DENND2D: variants seen among roughly 807,000 people sequenced by gnomAD.
DENND2D encodes DENN domain containing 2D.
DENND2D carries 37 observed loss-of-function variants against 59.8 expected under a neutral mutation model. The observed-to-expected ratio is 0.62, with a 90% confidence interval of 0.48 to 0.81. DENND2D has a LOEUF of 0.81. DENND2D is among the 40% of genes least tolerant of loss of function. DENND2D has a pLI of 0.00. For missense variants in DENND2D, 525 were observed against 579.7 expected (o/e 0.91, Z 0.97); for synonymous variants, 219 against 211.3 (o/e 1.04, Z -0.31).
chr1:111,203,885 C>T (rs1210930255), upstream of DENND2D, among the ~76,000 whole-genome samples: 4 of 152,118 alleles, frequency 2.6e-5, no homozygotes, highest in African/African-American at 9.7e-5. Flanking sequence ...CCACGGAGGA[C>T]TCCCAGGGCG....
chr1:111,195,705 G>C, intron 6 of DENND2D: 2 of 596,912 alleles, frequency 3.4e-6, no homozygotes, highest in East Asian at 3.1e-5. Flanking sequence ...TTGGTGGCTT[G>C]AGCAGTAACT....
In DENND2D at chr1:111,198,652, C is replaced by T. The variant is rs375867823; in HGVS notation, c.334G>A (p.Ala112Thr). Residue 112 changes from alanine to threonine, a missense_variant, in exon 3 of 12, where the codon GCA (alanine) becomes ACA (threonine). By Grantham distance (58) the Ala-to-Thr change is moderately conservative. This residue lies in a region of DENND2D where 253 missense variants were observed against 246.4 expected (regional missense o/e 1.03). Coordinates refer to ENST00000357640, the MANE Select transcript of DENND2D (RefSeq NM_024901.5). ...TACCTGGGATACTCGGTGAGTGATG[C>T]CCACTCATTCCCATCTGGGAAGCAG... ...LFCFPDGNEWASLTEYPRETF... is the reference protein window; with the variant it reads ...LFCFPDGNEWTSLTEYPRETF... 39 of 1,613,892 alleles carry T rather than the reference C, an allele frequency of 2.4e-5. No homozygotes were observed. The highest frequency in any genetic ancestry group is 3.3e-5 in the Non-Finnish European group (39 of 1,179,922).
intron 3 of DENND2D, 152 bp downstream of exon 3, chr1:111,198,478 G>T: frequency 2.9e-6 from 2 of 697,980 alleles, no homozygotes; most frequent in Non-Finnish European, 4.8e-6. Flanking sequence ...GGCCTTGAGG[G>T]ACCCCAGGCC....
In DENND2D at chr1:111,192,237, G is replaced by A; in HGVS notation, c.875C>T (p.Pro292Leu). 1 of 1,614,028 alleles carries A rather than the reference G, an allele frequency of 6.2e-7. No individual in the cohort carries two copies. The highest frequency in any genetic ancestry group is 1.1e-5 in the South Asian group (1 of 91,048). Residue 292 changes from proline to leucine, a missense_variant, in exon 8 of 12, where the codon CCT becomes CTT. Transcript: ENST00000357640. ...SWAHTYIPVV[P>L]ESLLATVCCP... ...GCAGACGGTGGCCAGAAGGCTCTCA[G>A]GGACAACAGGGATGTAGGTGTGCGC... is the stretch of plus-strand genomic sequence containing the variant.
chr1:111,195,710 G>A (rs918303466), intron 6 of DENND2D: 1 of 622,394 alleles, frequency 1.6e-6, no homozygotes, highest in Non-Finnish European at 2.8e-6. Context: ...GGCTTGAGCA[G>A]TAACTAGGTG....
chr1:111,200,733 C>G, upstream of DENND2D: 1 of 1,250,854 alleles, frequency 8.0e-7, no homozygotes, highest in Non-Finnish European at 1.0e-6. Context: ...CTCCCAAGAG[C>G]CCCAGGGTGT....
chr1:111,189,548 A>G (rs1403896229), intron 8 of DENND2D, among the ~76,000 whole-genome samples: 1 of 152,208 alleles, frequency 6.6e-6, no homozygotes, highest in Non-Finnish European at 1.5e-5. Context: ...TCCCTTAATA[A>G]AACATTGACT....
Position 111,187,558 on chromosome 1 carries a change from G to T in DENND2D, c.*47C>A. ...TCCTGCCACACTGGCAGGGGCTGAA[G>T]TCCAGAAATGGTGTGTAGCTCTAGT... On this transcript the variant is annotated 3_prime_UTR_variant, in exon 12 of 12. Transcript: ENST00000357640. The T allele has an allele frequency of 1.3e-6, 2 of 1,541,812 alleles. No homozygotes were observed. The highest frequency in any genetic ancestry group is 2.2e-5 in the East Asian group (1 of 44,564).
rs1658705958 is a variant in DENND2D at position 111,200,560 on chromosome 1, C to T, written c.-101G>A. ...GGGCTGCTTCGGTCTCCAGCCACAA[C>T]TCTGTGAAGCCAAGCCACGCGCTGT... On this transcript the variant is annotated 5_prime_UTR_variant, in exon 1 of 12. Transcript: ENST00000357640. 6.6e-7 allele frequency: 1 copy of T among 1,523,944 alleles called. No homozygotes were observed. Among genetic ancestry groups the T allele is most frequent in the Non-Finnish European group, 8.8e-7 (1 of 1,130,612 alleles). The allele number at this position is 1,523,944 out of a possible 1,614,324, so 94.4% of individuals were successfully genotyped here.
intron 8 of DENND2D, among the ~76,000 whole-genome samples, chr1:111,190,035 G>A (rs1250613628): frequency 6.6e-6 from 1 of 151,892 alleles, no homozygotes; most frequent in Non-Finnish European, 1.5e-5. Context: ...GTGGTGGCGG[G>A]CGCCTGTAGT....
chr1:111,197,715 A>T (rs928473075), intron 4 of DENND2D: 21 of 1,421,398 alleles, frequency 1.5e-5, no homozygotes, highest in Non-Finnish European at 1.9e-5. Context: ...CCAGAGCCTG[A>T]CCAGCAGCGG....
rs766267040 is a variant in DENND2D at position 111,200,402 on chromosome 1, G to A, written c.58C>T (p.Leu20Phe). The change falls in exon 1 of 12, where the codon CTC (leucine) becomes TTC (phenylalanine). Residue 20 changes from leucine to phenylalanine, a missense_variant. By Grantham distance (22) the Leu-to-Phe change is conservative (BLOSUM62 0). This residue lies in a region of DENND2D where 253 missense variants were observed against 246.4 expected (regional missense o/e 1.03). Transcript: ENST00000357640. Reference protein sequence around the residue: ...FRLFQRRLLQLRAGPPQDNSG... With the variant: ...FRLFQRRLLQFRAGPPQDNSG... ...GCAGTCCAGTCCTGACCTGCTCGGA[G>A]TTGAAGCAGTCGGCGTTGGAAGAGC... The A allele has an allele frequency of 5.0e-6, 8 of 1,612,384 alleles. No homozygotes were observed. Among genetic ancestry groups the A allele is most frequent in the Non-Finnish European group, 6.8e-6 (8 of 1,179,120 alleles).
In DENND2D at chr1:111,199,710, G is replaced by C; in HGVS notation, c.156C>G (p.His52Gln). The C allele has an allele frequency of 6.2e-7, 1 of 1,614,176 alleles. No homozygotes were observed. The highest frequency in any genetic ancestry group is 8.5e-7 in the Non-Finnish European group (1 of 1,180,042). ...HSLPNFAGGQ[H>Q]FFEYLLVVSL... The stretch of plus-strand genomic sequence containing the variant: ...AAACCACAAGAAGGTATTCAAAGAA[G>C]TGCTGCCCCCCAGCAAAGTTGGGCA... Residue 52 changes from histidine (H) to glutamine (Q), a missense_variant, in exon 2 of 12, where the codon CAC becomes CAG. Coordinates refer to ENST00000357640, the MANE Select transcript of DENND2D (RefSeq NM_024901.5).
chr1:111,204,310 T>C (rs1455460119), upstream of DENND2D: 4 of 1,482,432 alleles, frequency 2.7e-6, no homozygotes, highest in Admixed American at 9.1e-5. Context: ...ATGGCCGCGC[T>C]TCAGTCTCAG....
At chr1:111,189,338 C>T (rs1657516996) in intron 8 of DENND2D, 85 bp from the exon 9 acceptor site, 1 of 1,461,992 alleles carries the variant, frequency 6.8e-7, no homozygotes, top group African/African-American at 1.4e-5. Flanking sequence ...CTGCCTGTGG[C>T]TGTATCTTTC....
chr1:111,195,819 G>A (rs1658173738), intron 6 of DENND2D, 97 bp downstream of exon 6: 1 of 1,562,468 alleles, frequency 6.4e-7, no homozygotes, highest in Non-Finnish European at 8.8e-7. Context: ...CAGTTTCTCT[G>A]TACTTTAACC....
intron 5 of DENND2D, 187 bp from the exon 6 acceptor site, chr1:111,196,243 A>T: frequency 3.3e-6 from 2 of 605,550 alleles, no homozygotes; most frequent in South Asian, 2.6e-5. Flanking sequence ...ATGCTAAATA[A>T]TCTGCAGTTT....
upstream of DENND2D, among the ~76,000 whole-genome samples, chr1:111,201,882 G>A (rs753327690): frequency 2.4e-4 from 36 of 152,330 alleles, 1 homozygote; most frequent in East Asian, 9.6e-4. Flanking sequence ...TGAGAAGAGC[G>A]AACTAGAACA....
chr1:111,188,508 A>T (rs1657432947), intron 10 of DENND2D, 138 bp from the exon 11 acceptor site: 1 of 1,340,508 alleles, frequency 7.5e-7, no homozygotes, highest in African/African-American at 1.5e-5. Context: ...ACTGACTGAG[A>T]TGGGAATCTG....
Sources: allele counts gnomAD v4.1 joint callset (sites outside exome capture counted in the v4.1 genomes callset), GRCh38; gene constraint gnomAD v4.1.1; regional missense constraint gnomAD v4.1.1; transcripts MANE v1.5; gene names NCBI Gene and HGNC (gene_info 2026-07-23, HGNC 2026-07-21).